Variants in NR2C1 observed in about 807,000 individuals in gnomAD.
NR2C1 encodes nuclear receptor subfamily 2 group C member 1.
Under a neutral mutation model 74.8 loss-of-function variants are expected in NR2C1, and 33 were observed. The ratio of observed to expected loss-of-function variants is 0.44; its 90% confidence interval spans 0.33 to 0.59. The LOEUF (loss-of-function observed/expected upper bound fraction) is 0.59. Among genes scored for constraint, NR2C1 ranks in the 20% least tolerant of loss-of-function variants. The pLI is 0.02. For missense variants in NR2C1, 568 were observed against 715.6 expected (o/e 0.79, Z 2.35); for synonymous variants, 225 against 240.6 (o/e 0.94, Z 0.60).
chr12:95,057,784 A>G lies in NR2C1; in HGVS notation c.639T>C (p.Leu213=). The G allele has an allele frequency of 6.2e-7, 1 of 1,614,196 alleles. No homozygotes were observed. Residue 213 remains leucine (L), a synonymous_variant, in exon 6 of 14, where the codon CTT becomes CTC. Transcript: ENST00000333003. ...TTGGAGTTGCAGTTAATGGGCTACG[A>G]AGGTCCTTTCGGATATAGATTTTTT... ...STEKIYIRKD[L]RSPLTATPTF... is the part of the protein sequence containing the mutation.
Position 95,062,737 on chromosome 12 carries a change from A to G in NR2C1, c.56T>C (p.Ile19Thr), listed in dbSNP as rs764777319. ...CTGCCCAGTTTGCTGCTCTGTAACA[A>G]TCTAACAAAATCATGAAAAATAATC... is the stretch of plus-strand genomic sequence containing the variant. ...HQIIEQQMGE[I>T]VTEQQTGQKI... Residue 19 changes from isoleucine (I) to threonine (T), a missense_variant and splice_region_variant, in exon 3 of 14, where the codon ATT becomes ACT. Ile to Thr is a moderately conservative substitution (Grantham distance 89). Transcript: ENST00000333003. 2 of 1,604,862 alleles carry G rather than the reference A, an allele frequency of 1.2e-6. No homozygotes were observed. Among genetic ancestry groups the G allele is most frequent in the Admixed American group, 1.7e-5 (1 of 59,822 alleles).
intron 13 of NR2C1, among the ~76,000 whole-genome samples, chr12:95,023,582 C>G (rs1869009211): frequency 6.7e-6 from 1 of 148,174 alleles, no homozygotes; most frequent in South Asian, 2.1e-4. Flanking sequence ...GAACTGCCCA[C>G]TACTTATATA....
chr12:95,064,328 C>CAAAA (rs35375374), intron 2 of NR2C1, among the ~76,000 whole-genome samples: 2 of 107,978 alleles, frequency 1.9e-5, no homozygotes, highest in African/African-American at 3.5e-5. Flanking sequence ...GAGTCTGTCT[C>CAAAA]AAAAAAAAAA....
chr12:95,025,046 G>T, intron 13 of NR2C1, 104 bp downstream of exon 13: 1 of 533,958 alleles, frequency 1.9e-6, no homozygotes, highest in South Asian at 3.3e-5. Context: ...CAAAGTTAAG[G>T]TTGCCTAAAA....
intron 7 of NR2C1, among the ~76,000 whole-genome samples, chr12:95,056,958 CA>C (rs746993156): frequency 0.046 from 3,402 of 73,258 alleles, 107 homozygotes; most frequent in East Asian, 0.22. Flanking sequence ...GACTCCATCT[CA>C]AAAAAAAAAA....
At chr12:95,035,932 T>A (rs947922910) in intron 10 of NR2C1, among the ~76,000 whole-genome samples, 6 of 152,208 alleles carry the variant, frequency 3.9e-5, no homozygotes, top group South Asian at 4.1e-4. Context: ...CTGCTCCCAA[T>A]TTACAGACAC....
intron 9 of NR2C1, among the ~76,000 whole-genome samples, chr12:95,045,259 T>C (rs1308325678): frequency 1.3e-5 from 2 of 152,164 alleles, no homozygotes; most frequent in Non-Finnish European, 2.9e-5. Flanking sequence ...GCTAATGGCA[T>C]GTGTGAGAAA....
chr12:95,047,832 G>A (rs1248312926), intron 9 of NR2C1, among the ~76,000 whole-genome samples: 1 of 152,148 alleles, frequency 6.6e-6, no homozygotes, highest in Non-Finnish European at 1.5e-5. Context: ...AGCATTATTT[G>A]AATGACAAAT....
intron 11 of NR2C1, chr12:95,030,633 TTAAACA>T (rs1869968913): frequency 5.0e-6 from 8 of 1,612,466 alleles, no homozygotes; most frequent in Non-Finnish European, 4.2e-6. Context: ...CCCTCTGCTG[TTAAACA>T]TAAGGAGGAA....
chr12:95,024,223 T>G (rs1178342856), intron 13 of NR2C1, among the ~76,000 whole-genome samples: 1 of 138,998 alleles, frequency 7.2e-6, no homozygotes, highest in Non-Finnish European at 1.6e-5. Flanking sequence ...ATAAAATGTT[T>G]TATTTATTAT....
chr12:95,026,897 T>C (rs773086261), intron 12 of NR2C1: 1 of 152,188 alleles, frequency 6.6e-6, no homozygotes, highest in Non-Finnish European at 1.5e-5. Context: ...ACCAGTTTTT[T>C]AAATTTGTTG....
At chr12:95,064,352 C>T (rs1330370020) in intron 2 of NR2C1, among the ~76,000 whole-genome samples, 3 of 145,632 alleles carry the variant, frequency 2.1e-5, no homozygotes, top group Middle Eastern at 3.2e-3. Flanking sequence ...AAAAAAAGTT[C>T]AGAAGTAAAA....
At chr12:95,064,213 G>A (rs184745575) in intron 2 of NR2C1, among the ~76,000 whole-genome samples, 58 of 148,364 alleles carry the variant, frequency 3.9e-4, no homozygotes, top group African/African-American at 1.3e-3. Context: ...CCTGTAATCC[G>A]AGCTATGTGG....
At chr12:95,063,809 C>A (rs781210592) in intron 2 of NR2C1, among the ~76,000 whole-genome samples, 1 of 152,012 alleles carries the variant, frequency 6.6e-6, no homozygotes, top group East Asian at 1.9e-4. Context: ...GCAGGTGGAT[C>A]CCTTGAGGTC....
At chr12:95,066,696 A>G (rs1212500418) in intron 2 of NR2C1, among the ~76,000 whole-genome samples, 1 of 152,208 alleles carries the variant, frequency 6.6e-6, no homozygotes, top group African/African-American at 2.4e-5. Context: ...CCGGAAAGCA[A>G]TGATTCATTG....
chr12:95,024,237 C>A (rs1455637488), intron 13 of NR2C1, among the ~76,000 whole-genome samples: 1 of 152,098 alleles, frequency 6.6e-6, no homozygotes, highest in African/African-American at 2.4e-5. Context: ...TTATTATAAA[C>A]AAACACACTT....
intron 9 of NR2C1, among the ~76,000 whole-genome samples, chr12:95,043,758 G>A (rs764181561): frequency 6.6e-5 from 10 of 150,946 alleles, no homozygotes; most frequent in Non-Finnish European, 1.2e-4. Context: ...TACTTGTAAT[G>A]TGTAAACACT....
chr12:95,041,315 A>G (rs540850626), intron 9 of NR2C1, among the ~76,000 whole-genome samples: 8 of 152,152 alleles, frequency 5.3e-5, no homozygotes, highest in Middle Eastern at 3.4e-3. Context: ...GTTAAACCTC[A>G]TCTTTACTAA....
chr12:95,068,450 C>G (rs1375018986), intron 1 of NR2C1, among the ~76,000 whole-genome samples: 1 of 152,098 alleles, frequency 6.6e-6, no homozygotes. Context: ...AAGGAACATG[C>G]AAGATCTAGG....
Sources: allele counts gnomAD v4.1 joint callset (sites outside exome capture counted in the v4.1 genomes callset), GRCh38; gene constraint gnomAD v4.1.1; transcripts MANE v1.5; gene names NCBI Gene and HGNC (gene_info 2026-07-23, HGNC 2026-07-21).